The following GABRB1 variants were observed in gnomAD, a reference collection of about 807,000 sequenced individuals.
GABRB1 encodes gamma-aminobutyric acid type A receptor subunit beta1.
GABRB1 carries 17 observed loss-of-function variants against 51.6 expected under a neutral mutation model. The observed-to-expected ratio is 0.33, with a 90% CI of 0.23 to 0.49. The LOEUF is 0.49. Among genes scored for constraint, GABRB1 ranks in the 20% least tolerant of loss-of-function variants. The probability of loss-of-function intolerance (pLI) is 0.99; values close to 1 mark genes in which losing one functional copy is unlikely to be tolerated. For synonymous variants in GABRB1, 247 were observed against 218.9 expected (o/e 1.13, Z -1.14); for missense variants, 410 against 600.6 (o/e 0.68, Z 3.32).
At chr4:47,378,494 G>A (rs1384247968) in intron 5 of GABRB1, among the ~76,000 whole-genome samples, 2 of 152,204 alleles carry the variant, frequency 1.3e-5, no homozygotes, top group Non-Finnish European at 2.9e-5. Context: ...GCCCAGGAAG[G>A]GGCTCCCACA....
intron 4 of GABRB1, among the ~76,000 whole-genome samples, chr4:47,227,264 A>G (rs560804862): frequency 6.6e-6 from 1 of 152,302 alleles, no homozygotes; most frequent in East Asian, 1.9e-4. Context: ...AAACAAATAG[A>G]TAATAAATAA....
chr4:47,255,202 C>T (rs1346437898), intron 4 of GABRB1, among the ~76,000 whole-genome samples: 2 of 152,212 alleles, frequency 1.3e-5, no homozygotes, highest in Non-Finnish European at 2.9e-5. Flanking sequence ...CATAATCCCT[C>T]TTCTTCACCT....
chr4:47,080,778 T>C (rs1727801286), intron 3 of GABRB1, among the ~76,000 whole-genome samples: 2 of 152,154 alleles, frequency 1.3e-5, no homozygotes, highest in Admixed American at 1.3e-4. Context: ...ACAATGATCC[T>C]TTAGGTCTGC....
intron 4 of GABRB1, among the ~76,000 whole-genome samples, chr4:47,280,338 T>G (rs1008978901): frequency 6.6e-6 from 1 of 151,904 alleles, no homozygotes; most frequent in African/African-American, 2.4e-5. Context: ...ATAATTTGTG[T>G]CCCTTAAACA....
intron 4 of GABRB1, among the ~76,000 whole-genome samples, chr4:47,206,122 T>C (rs559457097): frequency 6.6e-6 from 1 of 152,210 alleles, no homozygotes; most frequent in East Asian, 1.9e-4. Context: ...GCTTCCATTT[T>C]CCATGATGGG....
chr4:47,346,915 G>T (rs1163721210), intron 5 of GABRB1, among the ~76,000 whole-genome samples: 1 of 152,194 alleles, frequency 6.6e-6, no homozygotes, highest in Non-Finnish European at 1.5e-5. Context: ...AGCTGGACTG[G>T]AGGATGAGTG....
rs539053761 is a variant in GABRB1, at chr4:47,369,504, T to C, written c.545-33814T>C. On this transcript the variant is annotated intron_variant, in intron 5 of 8. Transcript: ENST00000295454. Reference sequence around the variant, plus strand: ...GGTAATTTCCTCCGTCAAATTTATATTCCTTAGAATTAAACCAGTAGCAGT... The same window carrying C: ...GGTAATTTCCTCCGTCAAATTTATACTCCTTAGAATTAAACCAGTAGCAGT... Among the ~76,000 whole-genome samples the C allele has an allele frequency of 2.9e-3, 437 of 152,224 alleles. 1 individual carries two copies. The highest frequency in any genetic ancestry group is 5.3e-3 in the Non-Finnish European group (359 of 68,012).
chr4:47,239,855 C>T (rs1191441812), intron 4 of GABRB1, among the ~76,000 whole-genome samples: 2 of 152,178 alleles, frequency 1.3e-5, no homozygotes, highest in Admixed American at 6.5e-5. Flanking sequence ...GCATGGCTGA[C>T]AATCACCCTA....
intron 4 of GABRB1, among the ~76,000 whole-genome samples, chr4:47,216,725 G>T (rs1718197563): frequency 6.6e-6 from 1 of 151,752 alleles, no homozygotes; most frequent in Non-Finnish European, 1.5e-5. Context: ...TAAGAATAAA[G>T]TTTGACAATA....
chr4:47,050,450 TA>T lies in GABRB1; in HGVS notation c.240+17967del, dbSNP rs754634970. On this transcript the variant is annotated intron_variant, in intron 3 of 8. Coordinates refer to ENST00000295454, the MANE Select transcript of GABRB1 (RefSeq NM_000812.4). Reference sequence around the variant, plus strand: ...ATACGTATATATATATACATACATATATTTTTTTTAAGAGCTGCTTGTTAGA... The same window carrying T: ...ATACGTATATATATATACATACATATTTTTTTTTAAGAGCTGCTTGTTAGA... Among the ~76,000 whole-genome samples the T allele has an allele frequency of 3.3e-4, 51 of 152,260 alleles. 1 individual carries two copies. Among genetic ancestry groups the T allele is most frequent in the African/African-American group, 9.1e-4 (38 of 41,536 alleles).
intron 8 of GABRB1, among the ~76,000 whole-genome samples, chr4:47,423,465 T>C (rs1729154773): frequency 6.6e-6 from 1 of 152,204 alleles, no homozygotes; most frequent in Non-Finnish European, 1.5e-5. Context: ...GTGGCTGAGT[T>C]TGTAAATTCT....
rs897642651 is a variant in GABRB1, at chr4:47,403,306, T to C, written c.545-12T>C. 4.3e-6 allele frequency: 7 copies of C among 1,613,312 alleles called. No individual in the cohort carries two copies. Among genetic ancestry groups the C allele is most frequent in the Non-Finnish European group, 5.9e-6 (7 of 1,179,658 alleles). ...AAACTTTGTTTAACCGTGCTGTTTT[T>C]ATTGGTTTCAGATGGCTATACCACT... is the stretch of plus-strand genomic sequence containing the variant. On this transcript the variant is annotated splice_polypyrimidine_tract_variant and intron_variant, in intron 5 of 8. Coordinates refer to ENST00000295454, the MANE Select transcript of GABRB1 (RefSeq NM_000812.4).
At chr4:47,070,628 G>A (rs1161763996) in intron 3 of GABRB1, among the ~76,000 whole-genome samples, 8 of 151,940 alleles carry the variant, frequency 5.3e-5, no homozygotes, top group East Asian at 1.9e-4. Flanking sequence ...CACCGCGCCC[G>A]GCCTGCACTT....
At chr4:47,008,377 G>T (rs1438665657) in intron 1 of GABRB1, among the ~76,000 whole-genome samples, 1 of 151,932 alleles carries the variant, frequency 6.6e-6, no homozygotes, top group Non-Finnish European at 1.5e-5. Context: ...ATAGAAGAGA[G>T]TAGAAAGTTT....
chr4:47,150,890 C>A, intron 3 of GABRB1, among the ~76,000 whole-genome samples: 1 of 151,646 alleles, frequency 6.6e-6, no homozygotes, highest in East Asian at 1.9e-4. Flanking sequence ...AGAAAACCAC[C>A]AGAATGTTGA....
intron 1 of GABRB1, among the ~76,000 whole-genome samples, chr4:47,025,376 T>C (rs1725059092): frequency 6.6e-6 from 1 of 151,996 alleles, no homozygotes; most frequent in Non-Finnish European, 1.5e-5. Context: ...TGTAGAAGTG[T>C]TCCCTTTTCT....
chr4:47,231,717 C>T (rs1007791026), intron 4 of GABRB1, among the ~76,000 whole-genome samples: 2 of 152,134 alleles, frequency 1.3e-5, no homozygotes, highest in East Asian at 3.8e-4. Context: ...GTGCTTACAC[C>T]ATGCCTGGAA....
intron 5 of GABRB1, among the ~76,000 whole-genome samples, chr4:47,376,515 C>T (rs1467957165): frequency 6.6e-6 from 1 of 152,104 alleles, no homozygotes; most frequent in Non-Finnish European, 1.5e-5. Flanking sequence ...GGCCTAGTGG[C>T]GGCCGCCTGT....
At chr4:47,149,024 A>G (rs998969827) in intron 3 of GABRB1, among the ~76,000 whole-genome samples, 6 of 151,996 alleles carry the variant, frequency 3.9e-5, no homozygotes, top group African/African-American at 1.4e-4. Flanking sequence ...CAGACAGATC[A>G]GGGTTCAAAT....
Sources: allele counts gnomAD v4.1 joint callset (sites outside exome capture counted in the v4.1 genomes callset), GRCh38; gene constraint gnomAD v4.1.1; transcripts MANE v1.5; gene names NCBI Gene and HGNC (gene_info 2026-07-23, HGNC 2026-07-21).